Variants in STAB2 observed in about 807,000 individuals in gnomAD.
STAB2 encodes stabilin 2.
In STAB2, 288 loss-of-function variants were observed where a neutral mutation model predicts 338.1. That is an observed-to-expected ratio of 0.85 (90% confidence interval 0.77 to 0.94). The LOEUF is 0.94. Ranked by LOEUF, STAB2 falls within the 40% of genes least tolerant of loss-of-function variation. The probability of loss-of-function intolerance (pLI) is 0.00; values close to 1 mark genes in which losing one functional copy is unlikely to be tolerated. For synonymous variants in STAB2, 1,202 were observed against 1,193.3 expected (o/e 1.01, Z -0.15); for missense variants, 3,141 against 3,210.1 (o/e 0.98, Z 0.52).
intron 21 of STAB2, among the ~76,000 whole-genome samples, chr12:103,670,237 A>G (rs1023998517): frequency 2.0e-5 from 3 of 152,188 alleles, no homozygotes; most frequent in Non-Finnish European, 4.4e-5. Context: ...CAGGGGTTAG[A>G]AAGGGCCCAC....
At chr12:103,667,969 A>G (rs774127859) in intron 19 of STAB2, among the ~76,000 whole-genome samples, 7 of 152,162 alleles carry the variant, frequency 4.6e-5, no homozygotes, top group Non-Finnish European at 8.8e-5. Context: ...CATTCTCTAG[A>G]CCTTATACTT....
At chr12:103,661,079 C>T (rs1004594580) in intron 17 of STAB2, among the ~76,000 whole-genome samples, 4 of 152,056 alleles carry the variant, frequency 2.6e-5, no homozygotes, top group Non-Finnish European at 4.4e-5. Flanking sequence ...AGAGGAAATT[C>T]AGGGGGCTGT....
At chr12:103,623,632 A>T (rs1212055700) in intron 5 of STAB2, among the ~76,000 whole-genome samples, 1 of 152,224 alleles carries the variant, frequency 6.6e-6, no homozygotes, top group Non-Finnish European at 1.5e-5. Flanking sequence ...GTCTCCAAAA[A>T]GGAGCACAAC....
intron 21 of STAB2, among the ~76,000 whole-genome samples, chr12:103,670,181 A>G (rs1402794599): frequency 1.3e-5 from 2 of 152,166 alleles, no homozygotes; most frequent in African/African-American, 4.8e-5. Flanking sequence ...TGGGGACACC[A>G]TGTGGACAAG....
At chr12:103,638,639 A>G (rs1957591496) in intron 8 of STAB2, among the ~76,000 whole-genome samples, 1 of 152,224 alleles carries the variant, frequency 6.6e-6, no homozygotes, top group Admixed American at 6.5e-5. Flanking sequence ...ATAAAATGTC[A>G]GGCAGCACTG....
intron 51 of STAB2, 80 bp from the exon 52 acceptor site, chr12:103,735,411 G>C (rs145139913): frequency 5.9e-6 from 6 of 1,023,574 alleles, no homozygotes; most frequent in East Asian, 2.7e-5. Flanking sequence ...TCTGAATTTG[G>C]TTTTTTGGTA....
intron 21 of STAB2, 50 bp from the exon 22 acceptor site, chr12:103,670,646 C>A: frequency 6.9e-7 from 1 of 1,441,516 alleles, no homozygotes; most frequent in Non-Finnish European, 9.7e-7. Flanking sequence ...AATGAAAACA[C>A]CTGAGAACTA....
At position 103,666,292 on chromosome 12, in the gene STAB2, G is replaced by A. The variant is rs145341015; in HGVS notation, c.2024G>A (p.Gly675Asp). 281 of 1,613,974 alleles carry A rather than the reference G, an allele frequency of 1.7e-4. 1 individual carries two copies. In the African/African-American group the frequency reaches 3.2e-3, roughly 19 times the overall value. Residue 675 changes from glycine to aspartate, a missense_variant and splice_region_variant, in exon 19 of 69, where the codon GGC becomes GAC. Gly to Asp is a moderately conservative substitution (Grantham distance 94). Coordinates refer to ENST00000388887, the MANE Select transcript of STAB2 (RefSeq NM_017564.10). ...CTGACCTCCTGTCTCTCCCTCCAGGGCACTTGTGTGAGCTGTTCTCTGGTG... is the reference window on the plus strand; with the variant it reads ...CTGACCTCCTGTCTCTCCCTCCAGGACACTTGTGTGAGCTGTTCTCTGGTG... ...CDETKREMKL[G>D]TCVSCSLVYW...
Position 103,759,116 on chromosome 12 carries a change from T to G in STAB2, c.7108-17T>G, listed in dbSNP as rs2271639. The G allele has an allele frequency of 7.3e-4, 1,185 of 1,614,120 alleles. 18 individuals are homozygous for G. In the East Asian group the frequency reaches 0.023, roughly 31 times the overall value. On this transcript the variant is annotated splice_polypyrimidine_tract_variant and intron_variant, in intron 64 of 68. Transcript: ENST00000388887. Reference sequence around the variant, plus strand: ...TTGGCCTTTGAAGAGCATTCTGTGTTTCTCCTTTTTTCTCAGACCTTGTCT... The same window carrying G: ...TTGGCCTTTGAAGAGCATTCTGTGTGTCTCCTTTTTTCTCAGACCTTGTCT...
intron 49 of STAB2, among the ~76,000 whole-genome samples, chr12:103,730,835 G>A (rs1881578951): frequency 6.6e-6 from 1 of 152,166 alleles, no homozygotes; most frequent in African/African-American, 2.4e-5. Context: ...GATTGCTTGA[G>A]TCCAGGAGTT....
chr12:103,602,444 T>C (rs1956967679), intron 3 of STAB2, among the ~76,000 whole-genome samples: 1 of 152,226 alleles, frequency 6.6e-6, no homozygotes, highest in Non-Finnish European at 1.5e-5. Flanking sequence ...ACACACAGGT[T>C]TTGGGGTGAA....
rs145322842 is a variant in STAB2 at position 103,686,775 on chromosome 12, G to A, written c.2998-1393G>A. Reference sequence around the variant, plus strand: ...CTGAAAGTGCTGGGATGGCAGGCCTGAGCCACCATGCCCAGCCCACTTGTT... The same window carrying A: ...CTGAAAGTGCTGGGATGGCAGGCCTAAGCCACCATGCCCAGCCCACTTGTT... On this transcript the variant is annotated intron_variant, in intron 27 of 68. Coordinates refer to ENST00000388887, the MANE Select transcript of STAB2 (RefSeq NM_017564.10). 1.4e-3 allele frequency among the ~76,000 whole-genome samples: 206 copies of A among 152,306 alleles called. 1 individual carries two copies. The highest frequency in any genetic ancestry group is 3.3e-3 in the Admixed American group (51 of 15,304).
chr12:103,605,778 A>G (rs1394265412), intron 3 of STAB2, among the ~76,000 whole-genome samples: 1 of 151,988 alleles, frequency 6.6e-6, no homozygotes, highest in Non-Finnish European at 1.5e-5. Flanking sequence ...TATTAATATG[A>G]GCTACTTCAG....
At chr12:103,758,421 T>C (rs1884294086) in intron 64 of STAB2, 132 bp downstream of exon 64, 4 of 1,452,144 alleles carry the variant, frequency 2.8e-6, no homozygotes, top group Non-Finnish European at 3.7e-6. Flanking sequence ...TGCAGATCAG[T>C]TGGCCACTCC....
chr12:103,640,545 T>C (rs1650124), intron 9 of STAB2, among the ~76,000 whole-genome samples: 18,208 of 152,222 alleles, frequency 0.12, 1,387 homozygotes, highest in East Asian at 0.31. Flanking sequence ...CCACTGCGAC[T>C]GGGGAAACAA....
chr12:103,635,383 C>T (rs149081356), intron 6 of STAB2, among the ~76,000 whole-genome samples: 1 of 152,286 alleles, frequency 6.6e-6, no homozygotes, highest in South Asian at 2.1e-4. Flanking sequence ...GGCTCTCTCC[C>T]TGTTTCTGGT....
intron 59 of STAB2, among the ~76,000 whole-genome samples, chr12:103,749,454 A>G (rs1331294748): frequency 4.6e-5 from 7 of 152,134 alleles, no homozygotes; most frequent in Non-Finnish European, 1.0e-4. Context: ...CATCAGGGGA[A>G]AGTGGGTAGA....
At chr12:103,601,311 G>C (rs1167964149) in intron 3 of STAB2, among the ~76,000 whole-genome samples, 5 of 152,216 alleles carry the variant, frequency 3.3e-5, no homozygotes, top group African/African-American at 1.2e-4. Flanking sequence ...CTTTAAAGGG[G>C]CTGGGCGAGG....
chr12:103,618,906 G>A (rs767554388), intron 3 of STAB2, among the ~76,000 whole-genome samples: 4 of 152,086 alleles, frequency 2.6e-5, no homozygotes, highest in African/African-American at 9.7e-5. Flanking sequence ...AATCATGGGG[G>A]CGGGCCTTTC....
Sources: allele counts gnomAD v4.1 joint callset (sites outside exome capture counted in the v4.1 genomes callset), GRCh38; gene constraint gnomAD v4.1.1; transcripts MANE v1.5; gene names NCBI Gene and HGNC (gene_info 2026-07-23, HGNC 2026-07-21).